Variants in CATSPER4 observed in about 807,000 individuals in gnomAD.
The protein encoded by CATSPER4 is cation channel sperm-associated protein 4.
A neutral mutation model predicts 54.4 loss-of-function variants in CATSPER4; 46 were observed. The observed-to-expected ratio is 0.84, with a 90% CI of 0.67 to 1.08. CATSPER4 has a LOEUF of 1.08. Ranked by LOEUF, CATSPER4 falls within the 50% of genes least tolerant of loss-of-function variation. The pLI, the probability that CATSPER4 is intolerant of heterozygous loss-of-function variation, is 0.00. For synonymous variants in CATSPER4, 230 were observed against 231.9 expected (o/e 0.99, Z 0.08); for missense variants, 574 against 612.8 (o/e 0.94, Z 0.67).
chr1:26,191,435 G>A lies in CATSPER4; in HGVS notation c.357+5G>A. The stretch of plus-strand genomic sequence containing the variant: ...ACCAACTCCTACCTGGACCAGGTGG[G>A]ATGCCAGCATGACCTCTGCCCCACT... On this transcript the variant is annotated splice_donor_5th_base_variant and intron_variant, in intron 2 of 9. Transcript: ENST00000456354. 6.2e-7 allele frequency: 1 copy of A among 1,614,096 alleles called. No individual in the cohort carries two copies. The highest frequency in any genetic ancestry group is 8.5e-7 in the Non-Finnish European group (1 of 1,180,020).
At chr1:26,199,372 C>T (rs1402112879) in intron 6 of CATSPER4, among the ~76,000 whole-genome samples, 3 of 150,130 alleles carry the variant, frequency 2.0e-5, no homozygotes, top group East Asian at 2.0e-4. Context: ...GCGGAGGTTG[C>T]GGTGAACCCA....
chr1:26,193,603 C>T (rs1205961391), intron 2 of CATSPER4, among the ~76,000 whole-genome samples, 184 bp from the exon 3 acceptor site: 1 of 152,126 alleles, frequency 6.6e-6, no homozygotes, highest in East Asian at 1.9e-4. Context: ...GTGTGATAGC[C>T]CCAGCACAGT....
rs1426664986 is a variant in CATSPER4 at position 26,190,668 on chromosome 1, C to T, written c.41C>T (p.Ser14Phe). The T allele has an allele frequency of 3.7e-6, 6 of 1,609,326 alleles. No homozygotes were observed. The highest frequency in any genetic ancestry group is 5.1e-6 in the Non-Finnish European group (6 of 1,179,888). Residue 14 changes from serine to phenylalanine, a missense_variant, in exon 1 of 10, where the codon TCC becomes TTC. By Grantham distance (155) the Ser-to-Phe change is radical. Coordinates refer to ENST00000456354, the MANE Select transcript of CATSPER4 (RefSeq NM_198137.2). Reference protein sequence around the residue: ...NEKAWWQQWTSHTGLEGWGGT... With the variant: ...NEKAWWQQWTFHTGLEGWGGT... Reference sequence around the variant, plus strand: ...AAGGCCTGGTGGCAGCAATGGACCTCCCATACAGGCCTCGAGGGGTGGGGC... The same window carrying T: ...AAGGCCTGGTGGCAGCAATGGACCTTCCATACAGGCCTCGAGGGGTGGGGC...
At chr1:26,197,621 G>T in intron 3 of CATSPER4, 65 bp from the exon 4 acceptor site, 1 of 1,115,010 alleles carries the variant, frequency 9.0e-7, no homozygotes. Context: ...TGTGGGGAGG[G>T]CAGACCTAGG....
intron 8 of CATSPER4, 39 bp downstream of exon 8, chr1:26,201,080 G>A: frequency 6.6e-7 from 1 of 1,511,006 alleles, no homozygotes; most frequent in Non-Finnish European, 9.2e-7. Flanking sequence ...AGTCATGTGA[G>A]TCAAGGCTGG....
rs755689621 is a variant in CATSPER4, at chr1:26,199,886, C to T, written c.815C>T (p.Thr272Ile). The T allele has an allele frequency of 4.3e-6, 7 of 1,613,926 alleles. No homozygotes were observed. Among genetic ancestry groups the T allele is most frequent in the Non-Finnish European group, 5.9e-6 (7 of 1,180,018 alleles). The stretch of plus-strand genomic sequence containing the variant: ...GGGCCCCTGCCTGCCATCTGCAGGA[C>T]AGAGAAGAGGGAATATGCAATGGAG... ...GWVDIYSDFQ[T>I]EKREYAMEIG... The change falls in exon 7 of 10, where the codon ACA becomes ATA. Residue 272 changes from threonine (T) to isoleucine (I), a missense_variant and splice_region_variant. Coordinates refer to ENST00000456354, the MANE Select transcript of CATSPER4 (RefSeq NM_198137.2).
chr1:26,197,835 T>A, intron 4 of CATSPER4, 52 bp downstream of exon 4: 3 of 1,603,774 alleles, frequency 1.9e-6, no homozygotes, highest in Non-Finnish European at 2.6e-6. Context: ...AACCCAGGAA[T>A]GAGATGGGGG....
rs545011390 is a variant in CATSPER4, at chr1:26,201,380, G to A, written c.1226G>A (p.Arg409His). 10 of 1,614,126 alleles carry A rather than the reference G, an allele frequency of 6.2e-6. 1 individual carries two copies. Among genetic ancestry groups the A allele is most frequent in the African/African-American group, 1.3e-5 (1 of 75,048 alleles). The stretch of plus-strand genomic sequence containing the variant: ...ATTGTGGAGGAGGTGCGCGCAATCC[G>A]CTTCAACCAGGAGCAGGAGTCAGAG... The part of the protein sequence containing the change: ...NMIVEEVRAI[R>H]FNQEQESEVL... The change falls in exon 9 of 10, where the codon CGC becomes CAC. Residue 409 changes from arginine to histidine, a missense_variant. Arg to His is a conservative substitution (Grantham distance 29). Transcript: ENST00000456354.
chr1:26,201,711 A>G, intron 9 of CATSPER4, 192 bp downstream of exon 9: 2 of 453,344 alleles, frequency 4.4e-6, no homozygotes, highest in Admixed American at 4.2e-5. Context: ...TTTTTTTGAG[A>G]CGGAGTCTTA....
chr1:26,192,623 C>T (rs1398682547), intron 2 of CATSPER4, among the ~76,000 whole-genome samples: 1 of 145,050 alleles, frequency 6.9e-6, no homozygotes, highest in East Asian at 2.0e-4. Context: ...GACAGGTTCT[C>T]GCTCTGTCGC....
rs2088904158 is a variant in CATSPER4, at chr1:26,193,896, C to G, written c.459+8C>G. 1.9e-6 allele frequency: 3 copies of G among 1,605,818 alleles called. No individual in the cohort carries two copies. The South Asian group carries it at 3.3e-5, about 18-fold the overall frequency. ...TTCTGGATTTTCTGGAAGGTGAGAT[C>G]CTGAGCCCTTTGCCCCTACTTCCCC... On this transcript the variant is annotated splice_region_variant and intron_variant, in intron 3 of 9. Coordinates refer to ENST00000456354, the MANE Select transcript of CATSPER4 (RefSeq NM_198137.2).
chr1:26,194,628 G>A (rs1489094924), intron 3 of CATSPER4, among the ~76,000 whole-genome samples: 2 of 152,162 alleles, frequency 1.3e-5, no homozygotes, highest in Non-Finnish European at 2.9e-5. Context: ...ATCTGGGTAT[G>A]GCACACAACA....
chr1:26,199,451 T>G (rs76135631), intron 6 of CATSPER4, among the ~76,000 whole-genome samples: 1 of 143,246 alleles, frequency 7.0e-6, no homozygotes, highest in African/African-American at 2.6e-5. Flanking sequence ...AAAAAAAAAT[T>G]AGCCAGGCGT....
chr1:26,201,745 A>G, intron 9 of CATSPER4: 2 of 471,448 alleles, frequency 4.2e-6, no homozygotes, highest in South Asian at 4.2e-5. Context: ...GCTGGAGTGC[A>G]GTGGCGCGAT....
chr1:26,198,028 C>T lies in CATSPER4; in HGVS notation c.629C>T (p.Ser210Leu), dbSNP rs1249733084. 6.8e-6 allele frequency: 11 copies of T among 1,613,830 alleles called. No homozygotes were observed. The highest frequency in any genetic ancestry group is 2.2e-5 in the East Asian group (1 of 44,880). The change falls in exon 5 of 10, where the codon TCG becomes TTG. Residue 210 changes from serine (S) to leucine (L), a missense_variant. Ser to Leu is a moderately radical substitution (Grantham distance 145). Coordinates refer to ENST00000456354, the MANE Select transcript of CATSPER4 (RefSeq NM_198137.2). ...LARIIRVILQ[S>L]VPDMANIMVL... ...CGGATCATCCGCGTCATCCTGCAGT[C>T]GGTGCCTGACATGGCCAATATCATG...
Position 26,202,536 on chromosome 1 carries a change from C to A in CATSPER4, c.1413C>A (p.Ser471Arg), listed in dbSNP as rs1430532688. Residue 471 changes from serine (S) to arginine (R), a missense_variant, in exon 10 of 10, where the codon AGC (serine) becomes AGA (arginine). Transcript: ENST00000456354. ...SQILLKKHKS[S>R]H ...TACTCCTTAAAAAACACAAGAGCAG[C>A]CACTGAGAGGCCAGGATGGGAGCCA... is the stretch of plus-strand genomic sequence containing the variant. 1.2e-6 allele frequency: 2 copies of A among 1,610,516 alleles called. No homozygotes were observed. The highest frequency in any genetic ancestry group is 2.7e-5 in the African/African-American group (2 of 74,870).
At position 26,190,831 on chromosome 1, in the gene CATSPER4, GA is replaced by G; in HGVS notation, c.206del (p.Asn69ThrfsTer35). On this transcript the variant is annotated frameshift_variant, in exon 1 of 10. Transcript: ENST00000456354. LOFTEE classifies it high-confidence loss of function. ...TGCTCATCAACCGCCAGGAAATCAC[GA>G]ACAAAGCGGTAAGGATAGCTCTCGC... ...QVLINRQEIT[N>X]KADAWDMQEF... 6.2e-7 allele frequency: 1 copy of G among 1,608,796 alleles called. No individual in the cohort carries two copies. The highest frequency in any genetic ancestry group is 8.5e-7 in the Non-Finnish European group (1 of 1,177,668).
intron 1 of CATSPER4, 41 bp from the exon 2 acceptor site, chr1:26,191,246 A>G: frequency 3.1e-6 from 5 of 1,612,368 alleles, no homozygotes; most frequent in Non-Finnish European, 4.2e-6. Flanking sequence ...GAGGCTTCCT[A>G]TGGTGACACC....
chr1:26,191,511 A>T, intron 2 of CATSPER4, 81 bp downstream of exon 2: 1 of 1,497,732 alleles, frequency 6.7e-7, no homozygotes, highest in Non-Finnish European at 9.2e-7. Flanking sequence ...CAGGCTCCTC[A>T]TCTGTCTATG....
Sources: allele counts gnomAD v4.1 joint callset (sites outside exome capture counted in the v4.1 genomes callset), GRCh38; gene constraint gnomAD v4.1.1; transcripts MANE v1.5; gene names NCBI Gene and HGNC (gene_info 2026-07-23, HGNC 2026-07-21).